RNF217: variants seen among roughly 807,000 people sequenced by gnomAD.
RNF217 encodes E3 ubiquitin-protein ligase RNF217.
A neutral mutation model predicts 57.8 loss-of-function variants in RNF217; 31 were observed. The observed-to-expected ratio is 0.54, with a 90% CI of 0.40 to 0.72. RNF217 has a LOEUF of 0.72. Ranked by LOEUF, RNF217 falls within the 30% of genes least tolerant of loss-of-function variation. The pLI, the probability that RNF217 is intolerant of heterozygous loss-of-function variation, is 0.00. For missense variants in RNF217, 696 were observed against 708.3 expected (o/e 0.98, Z 0.20); for synonymous variants, 313 against 294.0 (o/e 1.06, Z -0.66).
chr6:125,017,310 C>T (rs1027821420), intron 1 of RNF217, among the ~76,000 whole-genome samples: 11 of 152,052 alleles, frequency 7.2e-5, no homozygotes, highest in African/African-American at 2.2e-4. Flanking sequence ...TTTTCATTTG[C>T]CTTTTCACTG....
At chr6:125,068,345 C>G (rs1054175574) in intron 3 of RNF217, among the ~76,000 whole-genome samples, 1 of 152,136 alleles carries the variant, frequency 6.6e-6, no homozygotes, top group Non-Finnish European at 1.5e-5. Flanking sequence ...CTTTAAGTCC[C>G]CTTAACTGGA....
chr6:124,998,933 A>G (rs1389606723), intron 1 of RNF217, among the ~76,000 whole-genome samples: 2 of 152,234 alleles, frequency 1.3e-5, no homozygotes, highest in African/African-American at 2.4e-5. Flanking sequence ...AGGCCCTGAA[A>G]AAGTACATGT....
intron 1 of RNF217, among the ~76,000 whole-genome samples, chr6:125,040,631 A>G (rs1378197924): frequency 6.6e-6 from 1 of 152,172 alleles, no homozygotes; most frequent in Non-Finnish European, 1.5e-5. Flanking sequence ...GCAGAGATAC[A>G]ACAAAAAAAG....
At chr6:124,980,711 A>G (rs1251265339) in intron 1 of RNF217, among the ~76,000 whole-genome samples, 1 of 152,196 alleles carries the variant, frequency 6.6e-6, no homozygotes, top group African/African-American at 2.4e-5. Context: ...AGAGTGATAA[A>G]GTAACAACTT....
chr6:124,979,433 G>A (rs1784078759), intron 1 of RNF217, among the ~76,000 whole-genome samples: 2 of 152,168 alleles, frequency 1.3e-5, no homozygotes, highest in Admixed American at 1.3e-4. Flanking sequence ...GAAAGGCAGT[G>A]TGGCAAATAC....
intron 1 of RNF217, among the ~76,000 whole-genome samples, chr6:125,028,557 A>C (rs926716567): frequency 1.3e-5 from 2 of 152,146 alleles, no homozygotes; most frequent in African/African-American, 4.8e-5. Flanking sequence ...TGTAGTTCCA[A>C]AAGAAATATG....
At chr6:125,031,551 G>A (rs1222778296) in intron 1 of RNF217, among the ~76,000 whole-genome samples, 1 of 152,016 alleles carries the variant, frequency 6.6e-6, no homozygotes, top group Non-Finnish European at 1.5e-5. Context: ...CAAATCTCTA[G>A]GGCAGGGGCA....
chr6:125,009,546 G>A (rs1785340801), intron 1 of RNF217: 1 of 362,820 alleles, frequency 2.8e-6, no homozygotes, highest in Admixed American at 4.6e-5. Flanking sequence ...ATGATGATAG[G>A]ATGTTGGTGC....
In RNF217 at chr6:124,993,255, T is replaced by TCCC. The variant is rs536677555; in HGVS notation, c.882+29830_882+29832dup. On this transcript the variant is annotated intron_variant, in intron 1 of 5. Coordinates refer to ENST00000521654, the MANE Select transcript of RNF217 (RefSeq NM_001286398.3). ...TCTGATTTAGTAATTCTGGGATGTG[T>TCCC]CCCAGGAATCTGTATTTTTACAAGT... 1.1e-4 allele frequency among the ~76,000 whole-genome samples: 17 copies of TCCC among 152,282 alleles called. No homozygotes were observed. The South Asian group carries it at 3.5e-3, about 32-fold the overall frequency.
intron 1 of RNF217, among the ~76,000 whole-genome samples, chr6:125,007,583 T>G (rs1785238167): frequency 6.6e-6 from 1 of 152,194 alleles, no homozygotes; most frequent in South Asian, 2.1e-4. Context: ...TTTTAAAGCA[T>G]CTTCCCATTT....
intron 2 of RNF217, among the ~76,000 whole-genome samples, chr6:125,046,306 C>T (rs1355277439): frequency 2.0e-5 from 3 of 152,022 alleles, no homozygotes; most frequent in African/African-American, 7.2e-5. Context: ...ACTCTGTAAG[C>T]ATTAGAGAAA....
intron 1 of RNF217, among the ~76,000 whole-genome samples, chr6:125,018,994 C>T (rs562932992): frequency 6.6e-6 from 1 of 152,286 alleles, no homozygotes; most frequent in South Asian, 2.1e-4. Context: ...GAGGATTCTT[C>T]TCTGGGGAAA....
chr6:125,087,634 T>A lies in RNF217; in HGVS notation c.*4697T>A, dbSNP rs956424306. On this transcript the variant is annotated 3_prime_UTR_variant, in exon 6 of 6. Transcript: ENST00000521654. ...AGTAGGATAACAGTGTTAGCAAATA[T>A]GTGTCATCTCTTTAAATTTGGGAGG... 6.6e-6 allele frequency: 1 copy of A among 152,134 alleles called. No individual in the cohort carries two copies. Among genetic ancestry groups the A allele is most frequent in the Non-Finnish European group, 1.5e-5 (1 of 68,002 alleles). The allele number at this position is 152,134 out of a possible 1,614,324, so 9.4% of individuals were successfully genotyped here. A position where few individuals can be genotyped will look rare whatever the true frequency, so the allele number is the denominator to read the frequency against.
chr6:125,000,195 C>A (rs546206152), intron 1 of RNF217, among the ~76,000 whole-genome samples: 1 of 152,124 alleles, frequency 6.6e-6, no homozygotes, highest in East Asian at 1.9e-4. Context: ...CTTGCCACAT[C>A]GTACCATTAT....
intron 1 of RNF217, among the ~76,000 whole-genome samples, chr6:125,002,640 C>T (rs1249947213): frequency 1.3e-5 from 2 of 152,098 alleles, no homozygotes; most frequent in Admixed American, 1.3e-4. Flanking sequence ...GTCACGCTGG[C>T]CCCGTATGTT....
At position 124,975,715 on chromosome 6, in the gene RNF217, G is replaced by C. The variant is rs191116571; in HGVS notation, c.882+12289G>C. Among the ~76,000 whole-genome samples, 9 of 152,226 alleles carry C rather than the reference G, an allele frequency of 5.9e-5. No homozygotes were observed. In the East Asian group the frequency reaches 1.5e-3, roughly 26 times the overall value. ...GCCTCCCGAAGTGCTGGGGTTACAA[G>C]TGTGAGCCACTGCAATCAGTCCAGT... On this transcript the variant is annotated intron_variant, in intron 1 of 5. Transcript: ENST00000521654.
In RNF217 at chr6:125,076,753, C is replaced by A; in HGVS notation, c.1378C>A (p.Arg460=). The change falls in exon 4 of 6, where the codon CGA becomes AGA. Residue 460 remains arginine (R), a synonymous_variant. Coordinates refer to ENST00000521654, the MANE Select transcript of RNF217 (RefSeq NM_001286398.3). ...ATGTGGTGAGAGATACCGCCAGCTC[C>A]GATTTTTTGGAGACCACACATCAAA... ...YRCGERYRQL[R]FFGDHTSNLS... is the part of the protein sequence containing the mutation. The A allele has an allele frequency of 1.2e-6, 2 of 1,613,532 alleles. No homozygotes were observed. The highest frequency in any genetic ancestry group is 2.2e-5 in the South Asian group (2 of 91,054).
chr6:124,973,235 G>A (rs1408192364), intron 1 of RNF217, among the ~76,000 whole-genome samples: 2 of 152,082 alleles, frequency 1.3e-5, no homozygotes, highest in Non-Finnish European at 1.5e-5. Context: ...ATCCTCTTCA[G>A]TCCCTTCTTC....
chr6:125,065,002 C>T lies in RNF217; in HGVS notation c.1281+6896C>T, dbSNP rs867603997. 6.6e-5 allele frequency among the ~76,000 whole-genome samples: 10 copies of T among 151,970 alleles called. 1 individual carries two copies. In the South Asian group the frequency reaches 2.1e-3, roughly 32 times the overall value. On this transcript the variant is annotated intron_variant, in intron 3 of 5. Coordinates refer to ENST00000521654, the MANE Select transcript of RNF217 (RefSeq NM_001286398.3). ...CTGAAAAATTCATTGTATATTAAAACTATGCAATCACGCCGGTAATCCCAG... is the reference window on the plus strand; with the variant it reads ...CTGAAAAATTCATTGTATATTAAAATTATGCAATCACGCCGGTAATCCCAG...
Sources: gnomAD v4.1 joint callset for allele counts (sites outside exome capture counted in the v4.1 genomes callset) on GRCh38, gnomAD v4.1.1 for gene constraint, MANE v1.5 for transcripts, NCBI Gene and HGNC (gene_info 2026-07-23, HGNC 2026-07-21) for gene names.